The following DPT variants were observed in gnomAD, a reference collection of about 807,000 sequenced individuals.
The protein encoded by DPT is dermatopontin.
DPT carries 21 observed loss-of-function variants against 31.2 expected under a neutral mutation model. The ratio of observed to expected loss-of-function variants is 0.67; its 90% CI spans 0.48 to 0.97. The LOEUF is 0.97. Among genes scored for constraint, DPT ranks in the 50% least tolerant of loss-of-function variants. The pLI is 0.00. For missense variants in DPT, 262 were observed against 258.8 expected (o/e 1.01, Z -0.08); for synonymous variants, 91 against 86.9 (o/e 1.05, Z -0.26).
intron 1 of DPT, among the ~76,000 whole-genome samples, chr1:168,726,237 C>T (rs561020237): frequency 1.5e-4 from 23 of 152,324 alleles, no homozygotes; most frequent in African/African-American, 5.1e-4. Context: ...GAAGAGGTAT[C>T]TCGCCTATCA....
intron 1 of DPT, among the ~76,000 whole-genome samples, chr1:168,719,324 A>G (rs1650048924): frequency 6.6e-6 from 1 of 152,208 alleles, no homozygotes; most frequent in Admixed American, 6.5e-5. Flanking sequence ...TTCACTTTTA[A>G]CAAAGCTCCT....
At chr1:168,718,169 C>T (rs1343426992) in intron 1 of DPT, among the ~76,000 whole-genome samples, 1 of 152,232 alleles carries the variant, frequency 6.6e-6, no homozygotes, top group Non-Finnish European at 1.5e-5. Context: ...ATTGTTTTGG[C>T]TTGTCTTCTG....
intron 2 of DPT, among the ~76,000 whole-genome samples, chr1:168,713,747 T>C (rs1649916568): frequency 6.6e-6 from 1 of 152,128 alleles, no homozygotes; most frequent in Non-Finnish European, 1.5e-5. Flanking sequence ...AATTTTTTAA[T>C]ATTTTATTTT....
chr1:168,711,618 C>T (rs749701180), intron 2 of DPT, among the ~76,000 whole-genome samples: 2 of 152,216 alleles, frequency 1.3e-5, no homozygotes, highest in Non-Finnish European at 2.9e-5. Context: ...GCATAACCAA[C>T]CCCGCTCTCA....
In DPT at chr1:168,714,273, C is replaced by A. The variant is rs1416304687; in HGVS notation, c.379G>T (p.Glu127Ter). The A allele has an allele frequency of 6.2e-7, 1 of 1,613,954 alleles. No individual in the cohort carries two copies. The highest frequency in any genetic ancestry group is 1.3e-5 in the African/African-American group (1 of 74,876). ...SRYFESVLDR[E>*]WQFYCCRYSK... ...TAGCGACAACAGTAAAACTGCCACT[C>A]CCGATCCAGCACTGACTCGAAGTAG... Residue 127 changes from glutamate to a stop codon, truncating the protein, a stop_gained, in exon 2 of 4, where the codon GAG becomes TAG. Transcript: ENST00000367817. LOFTEE classifies it high-confidence loss of function.
intron 1 of DPT, among the ~76,000 whole-genome samples, chr1:168,722,736 G>A (rs896549435): frequency 2.0e-5 from 3 of 152,040 alleles, no homozygotes; most frequent in Admixed American, 6.5e-5. Context: ...TGAGTATTTC[G>A]GAGTTGAGAC....
intron 1 of DPT, among the ~76,000 whole-genome samples, chr1:168,724,842 T>TC (rs3835362): frequency 0.37 from 55,739 of 151,944 alleles, 11,164 homozygotes; most frequent in East Asian, 0.68. Context: ...TTGCATAGAT[T>TC]CTTTCTCCTC....
chr1:168,700,512 G>A (rs1649570202), intron 3 of DPT, among the ~76,000 whole-genome samples: 1 of 152,102 alleles, frequency 6.6e-6, no homozygotes, highest in Non-Finnish European at 1.5e-5. Flanking sequence ...ACCCAAAGTG[G>A]GGATGATATA....
At chr1:168,713,669 A>G (rs1649914564) in intron 2 of DPT, among the ~76,000 whole-genome samples, 2 of 152,274 alleles carry the variant, frequency 1.3e-5, no homozygotes, top group African/African-American at 4.8e-5. Flanking sequence ...AGGGAAAGAA[A>G]CAAAACATCA....
At chr1:168,707,070 A>G (rs1380853735) in intron 2 of DPT, among the ~76,000 whole-genome samples, 1 of 152,214 alleles carries the variant, frequency 6.6e-6, no homozygotes, top group Non-Finnish European at 1.5e-5. Context: ...GCTCAGTACT[A>G]TGCAAAGAGC....
chr1:168,703,187 C>CT (rs942003559), intron 2 of DPT, among the ~76,000 whole-genome samples: 4 of 151,972 alleles, frequency 2.6e-5, no homozygotes, highest in African/African-American at 9.6e-5. Flanking sequence ...TGTGTTTTTT[C>CT]TTTTTTTTGC....
At chr1:168,728,766 C>A in intron 1 of DPT, 104 bp downstream of exon 1, 1 of 1,439,764 alleles carries the variant, frequency 6.9e-7, no homozygotes, top group Admixed American at 1.9e-5. Flanking sequence ...TGGGATTTGC[C>A]CAGGCTTTGG....
At chr1:168,725,762 T>G (rs759208374) in intron 1 of DPT, among the ~76,000 whole-genome samples, 6 of 152,210 alleles carry the variant, frequency 3.9e-5, no homozygotes, top group African/African-American at 7.2e-5. Flanking sequence ...GATGGCACTT[T>G]GATTAGAAAG....
intron 2 of DPT, among the ~76,000 whole-genome samples, chr1:168,710,280 C>G (rs1367783123): frequency 6.8e-6 from 1 of 147,770 alleles, no homozygotes; most frequent in Non-Finnish European, 1.5e-5. Context: ...TAGCTCTCAG[C>G]TCTAACACCA....
At chr1:168,719,555 C>T (rs1314511270) in intron 1 of DPT, among the ~76,000 whole-genome samples, 1 of 152,018 alleles carries the variant, frequency 6.6e-6, no homozygotes, top group Non-Finnish European at 1.5e-5. Context: ...CCTGAATGGC[C>T]TGGAGAACAG....
intron 2 of DPT, 59 bp from the exon 3 acceptor site, chr1:168,701,183 A>G (rs894461802): frequency 7.9e-7 from 1 of 1,269,224 alleles, no homozygotes; most frequent in Non-Finnish European, 1.1e-6. Context: ...GCTGGGAGCA[A>G]ACAGAAGACA....
chr1:168,726,034 A>C (rs756933436), intron 1 of DPT, among the ~76,000 whole-genome samples: 1 of 152,222 alleles, frequency 6.6e-6, no homozygotes, highest in Non-Finnish European at 1.5e-5. Context: ...CATTTTTAAA[A>C]GTGCTTCCAG....
intron 2 of DPT, among the ~76,000 whole-genome samples, chr1:168,706,270 C>G (rs1209594850): frequency 6.6e-6 from 1 of 152,044 alleles, no homozygotes; most frequent in South Asian, 2.1e-4. Flanking sequence ...GGTTGGCTTA[C>G]GTTTTATATA....
intron 2 of DPT, among the ~76,000 whole-genome samples, chr1:168,709,466 T>C (rs1469802310): frequency 1.3e-5 from 2 of 152,220 alleles, no homozygotes; most frequent in Admixed American, 1.3e-4. Flanking sequence ...TTTGCTTTCT[T>C]GCCAGAGTCC....
Sources: gnomAD v4.1 joint callset for allele counts (sites outside exome capture counted in the v4.1 genomes callset) on GRCh38, gnomAD v4.1.1 for gene constraint, MANE v1.5 for transcripts, NCBI Gene and HGNC (gene_info 2026-07-23, HGNC 2026-07-21) for gene names.